PKNOX2: variants seen among roughly 807,000 people sequenced by gnomAD.
PKNOX2 encodes homeobox protein PKNOX2.
In PKNOX2, 14 loss-of-function variants were observed where a neutral mutation model predicts 53.1. The ratio of observed to expected loss-of-function variants is 0.26; its 90% CI spans 0.17 to 0.41. The LOEUF (loss-of-function observed/expected upper bound fraction) is 0.41, where lower values mean the gene tolerates loss of function less well. Among genes scored for constraint, PKNOX2 ranks in the 10% least tolerant of loss-of-function variants. The pLI, the probability that PKNOX2 is intolerant of heterozygous loss-of-function variation, is 1.00. For synonymous variants in PKNOX2, 257 were observed against 242.8 expected, an observed-to-expected ratio of 1.06 and a Z score of -0.54; for missense variants, 496 against 602.8, an observed-to-expected ratio of 0.82 and a Z score of 1.85.
chr11:125,309,547 C>T (rs953756675), intron 2 of PKNOX2, among the ~76,000 whole-genome samples: 1 of 152,018 alleles, frequency 6.6e-6, no homozygotes. Flanking sequence ...CCACCACGCC[C>T]GGGTAATTTT....
chr11:125,422,801 A>G lies in PKNOX2; in HGVS notation c.937-6211A>G, dbSNP rs1386950996. On this transcript the variant is annotated intron_variant, in intron 10 of 12. Coordinates refer to ENST00000298282, the MANE Select transcript of PKNOX2 (RefSeq NM_001382323.2). This position sits in a 1 kb window ranked among gnomAD's most constrained non-coding sequence, Gnocchi z 4.1. ...CAGGTTAGGATAAAATGTCCCCATCATAGTACATGCAGGAAATAAAACCCA... is the reference window on the plus strand; with the variant it reads ...CAGGTTAGGATAAAATGTCCCCATCGTAGTACATGCAGGAAATAAAACCCA... Among the ~76,000 whole-genome samples, 3 of 152,146 alleles carry G rather than the reference A, an allele frequency of 2.0e-5. No homozygotes were observed. Among genetic ancestry groups the G allele is most frequent in the African/African-American group, 4.8e-5 (2 of 41,424 alleles).
At chr11:125,339,969 C>T (rs538888762) in intron 3 of PKNOX2, among the ~76,000 whole-genome samples, 7 of 152,372 alleles carry the variant, frequency 4.6e-5, no homozygotes, top group South Asian at 2.1e-4. Flanking sequence ...GCTCGCTTAA[C>T]GTTTTCCATC....
chr11:125,182,868 G>C (rs2135284455), intron 1 of PKNOX2, among the ~76,000 whole-genome samples: 1 of 152,328 alleles, frequency 6.6e-6, no homozygotes, highest in Admixed American at 6.5e-5. Context: ...TTCAAGGCTG[G>C]GCTGAGGGCC....
chr11:125,402,428 A>C lies in PKNOX2; in HGVS notation c.588+4366A>C, dbSNP rs75596383. On this transcript the variant is annotated intron_variant, in intron 7 of 12. Coordinates refer to ENST00000298282, the MANE Select transcript of PKNOX2 (RefSeq NM_001382323.2). Reference sequence around the variant, plus strand: ...GACACCTCACTCAAGTATTAGTTTGACCTGAAATTCATCCTTTTTTCTCTG... The same window carrying C: ...GACACCTCACTCAAGTATTAGTTTGCCCTGAAATTCATCCTTTTTTCTCTG... 3.5e-3 allele frequency among the ~76,000 whole-genome samples: 528 copies of C among 151,952 alleles called. 2 individuals are homozygous for C. Among genetic ancestry groups the C allele is most frequent in the African/African-American group, 0.012 (516 of 41,444 alleles).
chr11:125,261,134 G>A (rs1944814661), intron 2 of PKNOX2, among the ~76,000 whole-genome samples: 2 of 152,212 alleles, frequency 1.3e-5, no homozygotes, highest in African/African-American at 2.4e-5. Context: ...AAGTTCCAAA[G>A]CGATTTGGAT....
chr11:125,278,217 TAAA>T (rs530102994), intron 2 of PKNOX2, among the ~76,000 whole-genome samples: 9 of 82,828 alleles, frequency 1.1e-4, no homozygotes, highest in Middle Eastern at 7.4e-3. Context: ...AGACCCTGTC[TAAA>T]AAAAAAAAAA....
chr11:125,383,309 C>T (rs996671268), intron 5 of PKNOX2, among the ~76,000 whole-genome samples: 4 of 151,846 alleles, frequency 2.6e-5, no homozygotes, highest in African/African-American at 7.3e-5. Flanking sequence ...TGCCTGTTTG[C>T]CTTACTTGTT....
At chr11:125,293,050 C>A (rs868496675) in intron 2 of PKNOX2, among the ~76,000 whole-genome samples, 78 of 152,076 alleles carry the variant, frequency 5.1e-4, no homozygotes, top group Non-Finnish European at 1.9e-4. Flanking sequence ...GAGTGTGCTG[C>A]CATTTATGTC....
chr11:125,169,553 CTG>C (rs1488248392), intron 1 of PKNOX2, among the ~76,000 whole-genome samples: 1 of 152,182 alleles, frequency 6.6e-6, no homozygotes, highest in Non-Finnish European at 1.5e-5. Context: ...TCTTTTGACT[CTG>C]TTATTGCCAG....
At chr11:125,190,593 G>T (rs1956821169) in intron 1 of PKNOX2, among the ~76,000 whole-genome samples, 1 of 152,100 alleles carries the variant, frequency 6.6e-6, no homozygotes, top group Non-Finnish European at 1.5e-5. Context: ...TCCCTCTTTT[G>T]GTTTCTCAGC....
intron 6 of PKNOX2, among the ~76,000 whole-genome samples, chr11:125,389,664 G>T (rs535492809): frequency 4.5e-4 from 69 of 152,316 alleles, no homozygotes; most frequent in Non-Finnish European, 8.8e-4. Flanking sequence ...AAAACCCTTT[G>T]AAAGGTAAAA....
chr11:125,258,969 A>G (rs1944623583), intron 2 of PKNOX2: 2 of 251,388 alleles, frequency 8.0e-6, no homozygotes, highest in Middle Eastern at 8.7e-4. Flanking sequence ...ATGGTCTGCC[A>G]TGGAAGAGGG....
In PKNOX2 at chr11:125,381,044, C is replaced by T. The variant is rs565916280; in HGVS notation, c.228-4507C>T. On this transcript the variant is annotated intron_variant, in intron 5 of 12. Transcript: ENST00000298282. Reference sequence around the variant, plus strand: ...GCTGCAGCCACAAAACCCACGGAGTCGCTGAGAAATGGAGCGTGTCTCTCA... The same window carrying T: ...GCTGCAGCCACAAAACCCACGGAGTTGCTGAGAAATGGAGCGTGTCTCTCA... 5.3e-5 allele frequency among the ~76,000 whole-genome samples: 8 copies of T among 152,280 alleles called. No individual in the cohort carries two copies. In the South Asian group the frequency reaches 8.3e-4, roughly 16 times the overall value.
rs533718803 is a variant in PKNOX2, at chr11:125,405,125, G to A, written c.589-5071G>A. On this transcript the variant is annotated intron_variant, in intron 7 of 12. Transcript: ENST00000298282. The stretch of plus-strand genomic sequence containing the variant: ...ACCCCACTCCGGCCACCGACTCACC[G>A]TCACCCACCCTCCCACACAATCCTT... 2.6e-5 allele frequency among the ~76,000 whole-genome samples: 4 copies of A among 151,866 alleles called. No individual in the cohort carries two copies. The East Asian group carries it at 7.7e-4, about 29-fold the overall frequency.
At chr11:125,234,253 A>G (rs1942481163) in intron 1 of PKNOX2, among the ~76,000 whole-genome samples, 1 of 152,228 alleles carries the variant, frequency 6.6e-6, no homozygotes, top group African/African-American at 2.4e-5. Context: ...ACAACTTCGT[A>G]TACAGTCTGG....
chr11:125,182,558 A>G (rs1565463351), intron 1 of PKNOX2, among the ~76,000 whole-genome samples: 1 of 152,202 alleles, frequency 6.6e-6, no homozygotes, highest in Non-Finnish European at 1.5e-5. Context: ...TTGGGACTTC[A>G]ATGGTCCAAG....
intron 12 of PKNOX2, 36 bp downstream of exon 12, chr11:125,430,177 CTG>C: frequency 1.3e-6 from 2 of 1,598,936 alleles, no homozygotes; most frequent in Non-Finnish European, 1.7e-6. Context: ...TAGACAAGGG[CTG>C]GGGGTGCTCC....
intron 2 of PKNOX2, among the ~76,000 whole-genome samples, chr11:125,326,148 T>C (rs115332772): frequency 7.9e-5 from 12 of 152,194 alleles, no homozygotes; most frequent in Admixed American, 2.6e-4. Flanking sequence ...AAGCTTATGA[T>C]GACATCGAGG....
At chr11:125,211,008 T>A (rs958078090) in intron 1 of PKNOX2, among the ~76,000 whole-genome samples, 3 of 152,136 alleles carry the variant, frequency 2.0e-5, no homozygotes, top group African/African-American at 4.8e-5. Context: ...ACGAAGGTTG[T>A]GTATGGAATG....
Sources: gnomAD v4.1 joint callset for allele counts (sites outside exome capture counted in the v4.1 genomes callset) on GRCh38, gnomAD v4.1.1 for gene constraint, Gnocchi (gnomAD v3.1) non-coding constraint, MANE v1.5 for transcripts, NCBI Gene and HGNC (gene_info 2026-07-23, HGNC 2026-07-21) for gene names.